The following PPP6R3 variants were observed in gnomAD, a reference collection of about 807,000 sequenced individuals.
The protein encoded by PPP6R3 is protein phosphatase 6 regulatory subunit 3.
In PPP6R3, 38 loss-of-function variants were observed where a neutral mutation model predicts 110.7. The observed-to-expected ratio is 0.34, with a 90% CI of 0.26 to 0.45. The LOEUF (loss-of-function observed/expected upper bound fraction) is 0.45. Among genes scored for constraint, PPP6R3 ranks in the 20% least tolerant of loss-of-function variants. The pLI, the probability that PPP6R3 is intolerant of heterozygous loss-of-function variation, is 1.00. For synonymous variants in PPP6R3, 369 were observed against 373.5 expected (o/e 0.99, Z 0.14); for missense variants, 870 against 1,062.4 (o/e 0.82, Z 2.52).
At chr11:68,549,648 T>C (rs2099363134) in intron 5 of PPP6R3, among the ~76,000 whole-genome samples, 1 of 152,168 alleles carries the variant, frequency 6.6e-6, no homozygotes, top group African/African-American at 2.4e-5. Flanking sequence ...GAGGGGGTTA[T>C]CACCTTTATA....
intron 17 of PPP6R3, 44 bp from the exon 18 acceptor site, chr11:68,591,532 C>A (rs1217720605): frequency 1.3e-6 from 2 of 1,520,030 alleles, no homozygotes; most frequent in African/African-American, 2.8e-5. Context: ...GATAACTTGA[C>A]TTTAAATTTA....
chr11:68,542,411 T>TTTTTTTTTTTTTTAA (rs1244450813), intron 3 of PPP6R3, among the ~76,000 whole-genome samples: 1 of 141,882 alleles, frequency 7.0e-6, no homozygotes, highest in Non-Finnish European at 1.5e-5. Context: ...TTTTTTTTTT[T>TTTTTTTTTTTTTTAA]AAGACAGAGT....
In PPP6R3 at chr11:68,609,963, C is replaced by CT; in HGVS notation, c.2510_2511insT (p.Glu838ArgfsTer29). Reference sequence around the variant, plus strand: ...GCTTGTAAAGACGCAGAGGAGTGTCCCGAGACTGCAGAGGCGAAGTGCGCG... The same window carrying CT: ...GCTTGTAAAGACGCAGAGGAGTGTCCTCGAGACTGCAGAGGCGAAGTGCGCG... On this transcript the variant is annotated frameshift_variant, in exon 23 of 24. Coordinates refer to ENST00000393800, the MANE Select transcript of PPP6R3 (RefSeq NM_001164161.2). LOFTEE classifies it high-confidence loss of function. The CT allele has an allele frequency of 1.2e-6, 2 of 1,614,118 alleles. No homozygotes were observed. The highest frequency in any genetic ancestry group is 1.7e-6 in the Non-Finnish European group (2 of 1,180,026).
intron 1 of PPP6R3, among the ~76,000 whole-genome samples, chr11:68,507,247 T>G (rs1342238052): frequency 3.7e-5 from 2 of 54,094 alleles, no homozygotes; most frequent in African/African-American, 2.3e-4. Context: ...TCTTTTTGCA[T>G]TTTTTTTTTT....
chr11:68,567,706 G>A (rs565602865), intron 10 of PPP6R3, among the ~76,000 whole-genome samples: 1 of 152,188 alleles, frequency 6.6e-6, no homozygotes, highest in African/African-American at 2.4e-5. Context: ...GAATCCATAG[G>A]CCCAGCTCTG....
At chr11:68,503,610 AGT>A (rs1221046003) in intron 1 of PPP6R3, among the ~76,000 whole-genome samples, 2 of 152,178 alleles carry the variant, frequency 1.3e-5, no homozygotes, top group Non-Finnish European at 2.9e-5. Context: ...TGCTGCTGAG[AGT>A]GAGGTGTACG....
intron 3 of PPP6R3, among the ~76,000 whole-genome samples, chr11:68,544,527 T>G (rs750603685): frequency 8.5e-5 from 13 of 152,224 alleles, no homozygotes; most frequent in Non-Finnish European, 1.5e-4. Context: ...GCCGCTTTCC[T>G]CGCTGATCGT....
At chr11:68,519,679 T>G (rs1194191632) in intron 2 of PPP6R3, 28 bp downstream of exon 2, 1 of 398,358 alleles carries the variant, frequency 2.5e-6, no homozygotes, top group African/African-American at 2.1e-5. Context: ...AGCAGGAGTT[T>G]CCTTCCATTA....
chr11:68,591,977 C>T (rs761718796), intron 18 of PPP6R3, among the ~76,000 whole-genome samples: 54 of 152,186 alleles, frequency 3.5e-4, no homozygotes, highest in Non-Finnish European at 6.5e-4. Context: ...CAAGCGTAGT[C>T]ACATAGTGCC....
chr11:68,587,772 C>G (rs1010735029), intron 15 of PPP6R3, 155 bp from the exon 16 acceptor site: 1 of 742,552 alleles, frequency 1.3e-6, no homozygotes. Context: ...CAAATTGTGT[C>G]TGAAATTATT....
chr11:68,565,628 G>T (rs1474330772), intron 9 of PPP6R3, among the ~76,000 whole-genome samples: 1 of 151,984 alleles, frequency 6.6e-6, no homozygotes, highest in Non-Finnish European at 1.5e-5. Context: ...CTGTGTCTTA[G>T]GTGGCCCACC....
Position 68,591,563 on chromosome 11 carries a change from C to CA in PPP6R3, c.1786-12dup. ...ATTTATTTTGTTGTTTTTTTCCTCTCATTTTTATTTAGGGAAATATTGCCT... is the reference window on the plus strand; with the variant it reads ...ATTTATTTTGTTGTTTTTTTCCTCTCAATTTTTATTTAGGGAAATATTGCCT... On this transcript the variant is annotated splice_polypyrimidine_tract_variant and intron_variant, in intron 17 of 23. Transcript: ENST00000393800. The CA allele has an allele frequency of 6.4e-7, 1 of 1,572,648 alleles. No homozygotes were observed. The highest frequency in any genetic ancestry group is 8.6e-7 in the Non-Finnish European group (1 of 1,161,348).
At chr11:68,609,765 C>T in intron 22 of PPP6R3, 139 bp from the exon 23 acceptor site, 2 of 1,547,930 alleles carry the variant, frequency 1.3e-6, no homozygotes, top group South Asian at 2.2e-5. Flanking sequence ...GATCGTGCAC[C>T]CTGCGCATGC....
chr11:68,472,240 G>A (rs2098797283), intron 1 of PPP6R3, among the ~76,000 whole-genome samples: 1 of 152,222 alleles, frequency 6.6e-6, no homozygotes, highest in African/African-American at 2.4e-5. Flanking sequence ...GGGAAGGGAA[G>A]GCGTGCAGAC....
At chr11:68,466,811 C>T (rs1321900789) in intron 1 of PPP6R3, among the ~76,000 whole-genome samples, 5 of 152,236 alleles carry the variant, frequency 3.3e-5, no homozygotes, top group Non-Finnish European at 5.9e-5. Context: ...GATGGGGTTT[C>T]TCCGTGTTAG....
At chr11:68,576,956 A>G (rs552526074) in intron 14 of PPP6R3, among the ~76,000 whole-genome samples, 14 of 152,320 alleles carry the variant, frequency 9.2e-5, no homozygotes, top group Non-Finnish European at 1.3e-4. Flanking sequence ...TGTGCCCCCT[A>G]CTTTGTAGAT....
Position 68,548,107 on chromosome 11 carries a change from T to G in PPP6R3, c.455T>G (p.Leu152Arg), listed in dbSNP as rs745774761. ...FLKKKHDFVD[L>R]IIKHIGTSAI... Reference sequence around the variant, plus strand: ...AAGAAGAAGCATGATTTTGTAGACCTTATTATAAAGCACATAGGAACTTCT... The same window carrying G: ...AAGAAGAAGCATGATTTTGTAGACCGTATTATAAAGCACATAGGAACTTCT... Residue 152 changes from leucine (L) to arginine (R), a missense_variant, in exon 5 of 24, where the codon CTT (leucine) becomes CGT (arginine). Leu to Arg is a moderately radical substitution (Grantham distance 102). Coordinates refer to ENST00000393800, the MANE Select transcript of PPP6R3 (RefSeq NM_001164161.2). The G allele has an allele frequency of 6.2e-7, 1 of 1,613,922 alleles. No individual in the cohort carries two copies. The highest frequency in any genetic ancestry group is 1.1e-5 in the South Asian group (1 of 91,074).
chr11:68,528,436 G>GA (rs1475087497), intron 2 of PPP6R3, among the ~76,000 whole-genome samples: 2 of 72,896 alleles, frequency 2.7e-5, no homozygotes, highest in Admixed American at 2.9e-4. Context: ...GTGTGTGTGG[G>GA]GGGGGGGGCT....
chr11:68,488,396 G>A (rs1442147197), intron 1 of PPP6R3, among the ~76,000 whole-genome samples: 2 of 152,102 alleles, frequency 1.3e-5, no homozygotes, highest in African/African-American at 4.8e-5. Context: ...CTGGTCTTGA[G>A]CTCCTGGGCT....
Sources: allele counts gnomAD v4.1 joint callset (sites outside exome capture counted in the v4.1 genomes callset), GRCh38; gene constraint gnomAD v4.1.1; transcripts MANE v1.5; gene names NCBI Gene and HGNC (gene_info 2026-07-23, HGNC 2026-07-21).